The following ADGRE1 variants were observed in gnomAD, a reference collection of about 807,000 sequenced individuals.
The protein encoded by ADGRE1 is EGF-like module receptor 1.
In ADGRE1, 82 loss-of-function variants were observed where a neutral mutation model predicts 102.7. The ratio of observed to expected loss-of-function variants is 0.80; its 90% confidence interval spans 0.67 to 0.96. The LOEUF (loss-of-function observed/expected upper bound fraction) is 0.96, where lower values mean the gene tolerates loss of function less well. Ranked by LOEUF, ADGRE1 falls within the 40% of genes least tolerant of loss-of-function variation. The pLI, the probability that ADGRE1 is intolerant of heterozygous loss-of-function variation, is 0.00. For synonymous variants in ADGRE1, 398 were observed against 399.6 expected (o/e 1.00, Z 0.05); for missense variants, 1,032 against 1,085.3 (o/e 0.95, Z 0.69).
At chr19:6,920,422 T>C (rs1974605439) in intron 13 of ADGRE1, among the ~76,000 whole-genome samples, 1 of 151,554 alleles carries the variant, frequency 6.6e-6, no homozygotes, top group South Asian at 2.1e-4. Context: ...GGTTTCACCA[T>C]GTTAGCCAGG....
chr19:6,906,513 C>T lies in ADGRE1; in HGVS notation c.1030C>T (p.Pro344Ser). ...QQCQEGTAVK[P>S]AYVSFCAQIN... ...ATGCCAAGAGGGAACCGCAGTGAAA[C>T]CTGCATATGCAAGTATTTTTTAAGG... Residue 344 changes from proline (P) to serine (S), a missense_variant, in exon 9 of 21, where the codon CCT (proline) becomes TCT (serine). By Grantham distance (74) the Pro-to-Ser change is moderately conservative (BLOSUM62 -1). Transcript: ENST00000312053. The T allele has an allele frequency of 6.2e-7, 1 of 1,613,044 alleles. No homozygotes were observed. Among genetic ancestry groups the T allele is most frequent in the African/African-American group, 1.3e-5 (1 of 75,006 alleles).
In ADGRE1 at chr19:6,940,189, G is replaced by A; in HGVS notation, c.*160G>A. The A allele has an allele frequency of 3.8e-6, 3 of 788,454 alleles. No homozygotes were observed. Among genetic ancestry groups the A allele is most frequent in the East Asian group, 2.7e-5 (1 of 37,646 alleles). 48.8% of individuals were successfully genotyped at this position (788,454 alleles called of 1,614,324 possible). ...AGAATGTTGGGGGCGGTCTTCCTGT[G>A]GTTGTATGCACTGATGAGAAATCAG... On this transcript the variant is annotated 3_prime_UTR_variant, in exon 21 of 21. Transcript: ENST00000312053.
Position 6,928,164 on chromosome 19 carries a change from A to G in ADGRE1, c.2242A>G (p.Thr748Ala). The G allele has an allele frequency of 6.2e-7, 1 of 1,614,068 alleles. No homozygotes were observed. Among genetic ancestry groups the G allele is most frequent in the African/African-American group, 1.3e-5 (1 of 75,046 alleles). ...MHNRCWLNTE[T>A]GFIWSFLGPV... ...CCACAGCTGCTGGCTGAATACAGAG[A>G]CAGGGTTCATCTGGAGTTTCTTGGG... Residue 748 changes from threonine to alanine, a missense_variant, in exon 17 of 21, where the codon ACA becomes GCA. Thr to Ala is a moderately conservative substitution (Grantham distance 58, BLOSUM62 0). Coordinates refer to ENST00000312053, the MANE Select transcript of ADGRE1 (RefSeq NM_001974.5).
intron 14 of ADGRE1, among the ~76,000 whole-genome samples, chr19:6,922,852 C>G (rs999534033): frequency 6.6e-6 from 1 of 151,982 alleles, no homozygotes; most frequent in Admixed American, 6.6e-5. Context: ...CCGAGGTGGG[C>G]AGATCACAAG....
chr19:6,912,232 A>G (rs1052230218), intron 10 of ADGRE1, among the ~76,000 whole-genome samples: 1 of 152,044 alleles, frequency 6.6e-6, no homozygotes, highest in Non-Finnish European at 1.5e-5. Context: ...CCACATATAT[A>G]AGCACACACA....
chr19:6,926,784 A>C (rs1000376703), intron 16 of ADGRE1, among the ~76,000 whole-genome samples, 183 bp downstream of exon 16: 4 of 152,208 alleles, frequency 2.6e-5, no homozygotes, highest in Admixed American at 1.3e-4. Flanking sequence ...GCACTGCACA[A>C]ATCCAGGATC....
At chr19:6,935,290 A>G (rs565578485) in intron 18 of ADGRE1, among the ~76,000 whole-genome samples, 2 of 152,224 alleles carry the variant, frequency 1.3e-5, no homozygotes, top group South Asian at 2.1e-4. Context: ...GTAACCTCTC[A>G]GAAGCCCATT....
intron 8 of ADGRE1, among the ~76,000 whole-genome samples, chr19:6,905,423 G>A (rs1267102351): frequency 6.6e-6 from 1 of 150,610 alleles, no homozygotes; most frequent in East Asian, 2.0e-4. Flanking sequence ...CGCGATCTCA[G>A]CTCACTGCAA....
chr19:6,903,700 G>C, intron 6 of ADGRE1, 110 bp from the exon 7 acceptor site: 1 of 1,426,052 alleles, frequency 7.0e-7, no homozygotes, highest in Admixed American at 1.8e-5. Context: ...TGTAGTCCCT[G>C]GCTGGGACAC....
chr19:6,924,355 A>G (rs182071354), intron 14 of ADGRE1, among the ~76,000 whole-genome samples: 278 of 152,182 alleles, frequency 1.8e-3, no homozygotes, highest in Non-Finnish European at 3.4e-3. Flanking sequence ...GCATTCCAAA[A>G]CCTTCACAGA....
At chr19:6,927,309 C>CTTCCTCCCTTCCTTCCT (rs1370876810) in intron 16 of ADGRE1, among the ~76,000 whole-genome samples, 4 of 149,312 alleles carry the variant, frequency 2.7e-5, no homozygotes, top group African/African-American at 9.9e-5. Flanking sequence ...CTCTTCCTCC[C>CTTCCTCCCTTCCTTCCT]TTCCTCCCTC....
At chr19:6,912,041 CAT>C (rs1282708703) in intron 10 of ADGRE1, among the ~76,000 whole-genome samples, 4 of 151,992 alleles carry the variant, frequency 2.6e-5, no homozygotes, top group Non-Finnish European at 5.9e-5. Context: ...CACATACACA[CAT>C]ATATACATAC....
intron 16 of ADGRE1, 109 bp downstream of exon 16, chr19:6,926,710 T>C: frequency 8.8e-7 from 1 of 1,139,930 alleles, no homozygotes; most frequent in Admixed American, 1.9e-5. Context: ...TGGCTACCAT[T>C]TATCGAGCTC....
intron 5 of ADGRE1, chr19:6,898,672 G>T: frequency 1.7e-6 from 2 of 1,175,378 alleles, no homozygotes; most frequent in Non-Finnish European, 1.2e-6. Flanking sequence ...CAGCTGTCAA[G>T]TTGGATTCAT....
At position 6,919,537 on chromosome 19, in the gene ADGRE1, G is replaced by T; in HGVS notation, c.1421-11G>T. ...GATTCCTTCCTTTTTTTCATTTGGG[G>T]AAACCTGCAGAGACCACTGGTGTGG... is the stretch of plus-strand genomic sequence containing the variant. On this transcript the variant is annotated splice_polypyrimidine_tract_variant and intron_variant, in intron 12 of 20. Coordinates refer to ENST00000312053, the MANE Select transcript of ADGRE1 (RefSeq NM_001974.5). 1 of 1,598,676 alleles carries T rather than the reference G, an allele frequency of 6.3e-7. No homozygotes were observed. The highest frequency in any genetic ancestry group is 8.5e-7 in the Non-Finnish European group (1 of 1,173,504).
At chr19:6,926,631 C>A in intron 16 of ADGRE1, 30 bp downstream of exon 16, 1 of 1,608,482 alleles carries the variant, frequency 6.2e-7, no homozygotes, top group Non-Finnish European at 8.5e-7. Context: ...TTCCTGAAGA[C>A]CCTGCTGCCA....
chr19:6,898,942 T>C (rs1209569306), intron 5 of ADGRE1, among the ~76,000 whole-genome samples: 2 of 152,228 alleles, frequency 1.3e-5, no homozygotes. Flanking sequence ...TTTAACAATC[T>C]ATATCTTTTA....
chr19:6,930,047 C>G (rs918896902), intron 17 of ADGRE1, among the ~76,000 whole-genome samples: 2 of 152,134 alleles, frequency 1.3e-5, no homozygotes, highest in Admixed American at 6.5e-5. Context: ...CTTTCTATGT[C>G]TATAGCTCGA....
Position 6,897,541 on chromosome 19 carries a change from TGTGAAGGTATCCATGACC to T in ADGRE1, c.509_514+12del. Reference sequence around the variant, plus strand: ...TGGATTCATCTCTAGAAACTCCACCTGTGAAGGTATCCATGACCATCTCTTTATTATTTACCTACTTAA... The same window carrying T: ...TGGATTCATCTCTAGAAACTCCACCTATCTCTTTATTATTTACCTACTTAA... On this transcript the variant is annotated splice_donor_variant and splice_donor_5th_base_variant and coding_sequence_variant and intron_variant, in exon 5 of 21. Transcript: ENST00000312053. LOFTEE classifies it high-confidence loss of function. 1 of 1,560,806 alleles carries T rather than the reference TGTGAAGGTATCCATGACC, an allele frequency of 6.4e-7. No individual in the cohort carries two copies. The highest frequency in any genetic ancestry group is 2.1e-5 in the Admixed American group (1 of 47,836).
Sources: gnomAD v4.1 joint callset for allele counts (sites outside exome capture counted in the v4.1 genomes callset) on GRCh38, gnomAD v4.1.1 for gene constraint, MANE v1.5 for transcripts, NCBI Gene and HGNC (gene_info 2026-07-23, HGNC 2026-07-21) for gene names.